The following PTPRU variants were observed in gnomAD, a reference collection of about 807,000 sequenced individuals.
The protein encoded by PTPRU is protein tyrosine phosphatase receptor type U, also known as receptor-type tyrosine-protein phosphatase U.
Under a neutral mutation model 166.3 loss-of-function variants are expected in PTPRU, and 69 were observed. That is an observed-to-expected ratio of 0.41 (90% confidence interval 0.34 to 0.51). PTPRU has a LOEUF of 0.51. Ranked by LOEUF, PTPRU falls within the 20% of genes least tolerant of loss-of-function variation. The probability of loss-of-function intolerance (pLI) is 0.09; values close to 1 mark genes in which losing one functional copy is unlikely to be tolerated. For missense variants in PTPRU, 1,657 were observed against 2,013.7 expected, an observed-to-expected ratio of 0.82 and a Z score of 3.39; for synonymous variants, 793 against 814.0, an observed-to-expected ratio of 0.97 and a Z score of 0.44.
chr1:29,299,287 G>A (rs554063571), intron 15 of PTPRU, among the ~76,000 whole-genome samples: 1 of 152,350 alleles, frequency 6.6e-6, no homozygotes, highest in East Asian at 1.9e-4. Flanking sequence ...TCACGATGGT[G>A]CTAGGAAGAG....
chr1:29,260,877 C>T lies in PTPRU; in HGVS notation c.1118C>T (p.Pro373Leu), dbSNP rs1462009974. ...GGCGGCACTGGCCGCCCTGGGCCAC[C>T]CCTCATCAGCCGCACCAAATGCGCA... is the stretch of plus-strand genomic sequence containing the variant. ...GDGGTGRPGP[P>L]LISRTKCAEP... The change falls in exon 7 of 30, where the codon CCC becomes CTC. Residue 373 changes from proline (P) to leucine (L), a missense_variant. Pro to Leu is a moderately conservative substitution (Grantham distance 98). Coordinates refer to ENST00000373779, the MANE Select transcript of PTPRU (RefSeq NM_133178.4). This position sits in a 1 kb window ranked among gnomAD's most constrained non-coding sequence, Gnocchi z 8.3. The T allele has an allele frequency of 1.9e-6, 3 of 1,586,466 alleles. No homozygotes were observed. The highest frequency in any genetic ancestry group is 2.6e-6 in the Non-Finnish European group (3 of 1,168,870).
chr1:29,309,627 A>G lies in PTPRU; in HGVS notation c.2821-1117A>G, dbSNP rs564889201. On this transcript the variant is annotated intron_variant, in intron 18 of 29. Coordinates refer to ENST00000373779, the MANE Select transcript of PTPRU (RefSeq NM_133178.4). ...TGGCAGACATTTAACATACTACTTT[A>G]TTTGCTTCTCACAACAGCCCTCAGA... Among the ~76,000 whole-genome samples, 3 of 152,336 alleles carry G rather than the reference A, an allele frequency of 2.0e-5. No homozygotes were observed. In the East Asian group the frequency reaches 5.8e-4, roughly 29 times the overall value.
Position 29,305,380 on chromosome 1 carries a change from G to T in PTPRU, c.2772G>T (p.Pro924=), listed in dbSNP as rs781326938. Residue 924 remains proline (P), a synonymous_variant, in exon 18 of 30, where the codon CCG becomes CCT. Coordinates refer to ENST00000373779, the MANE Select transcript of PTPRU (RefSeq NM_133178.4). ...AYDRHRVKLH[P]MLGDPNADYI... ...ATCGGCACCGAGTGAAACTGCACCC[G>T]ATGCTGGGAGACCCCAATGCCGACT... 6.2e-7 allele frequency: 1 copy of T among 1,613,852 alleles called. No individual in the cohort carries two copies.
At position 29,291,828 on chromosome 1, in the gene PTPRU, C is replaced by T. The variant is rs1686646069; in HGVS notation, c.2319-41C>T. On this transcript the variant is annotated intron_variant, in intron 14 of 29. Transcript: ENST00000373779. This position sits in a 1 kb window ranked among gnomAD's most constrained non-coding sequence, Gnocchi z 4.1. Reference sequence around the variant, plus strand: ...CAGCCACCTCTGGGTGCTGTCCAGCCCCACACAATGCCTGTGTCTCCCCTC... The same window carrying T: ...CAGCCACCTCTGGGTGCTGTCCAGCTCCACACAATGCCTGTGTCTCCCCTC... 2 of 1,606,110 alleles carry T rather than the reference C, an allele frequency of 1.2e-6. No individual in the cohort carries two copies. Among genetic ancestry groups the T allele is most frequent in the South Asian group, 1.1e-5 (1 of 89,792 alleles).
rs1400657012 is a variant in PTPRU, at chr1:29,269,244, A to ATTTTTT, written c.1145-6203_1145-6202insTTTTTT. On this transcript the variant is annotated intron_variant, in intron 7 of 29. Transcript: ENST00000373779. Reference sequence around the variant, plus strand: ...CATATATATATATATATATATATATATATTTTTTTTTTTTTTTTTTTTTTT... The same window carrying ATTTTTT: ...CATATATATATATATATATATATATATTTTTTTATTTTTTTTTTTTTTTTTTTTTTT... Among the ~76,000 whole-genome samples, 141 of 27,586 alleles carry ATTTTTT rather than the reference A, an allele frequency of 5.1e-3. 5 individuals carry two copies. Among genetic ancestry groups the ATTTTTT allele is most frequent in the Non-Finnish European group, 8.1e-3 (114 of 14,080 alleles). 18.1% of individuals were successfully genotyped at this position (27,586 alleles called of 152,430 possible).
intron 1 of PTPRU, among the ~76,000 whole-genome samples, chr1:29,246,229 GCT>G (rs1338838993): frequency 2.0e-5 from 3 of 152,256 alleles, no homozygotes; most frequent in African/African-American, 7.2e-5. Flanking sequence ...CACCACTGCT[GCT>G]GAAACGCTGC....
rs1428571913 is a variant in PTPRU at position 29,280,079 on chromosome 1, C to T, written c.1806C>T (p.Gly602=). The T allele has an allele frequency of 6.8e-6, 11 of 1,613,614 alleles. No individual in the cohort carries two copies. Among genetic ancestry groups the T allele is most frequent in the East Asian group, 4.5e-5 (2 of 44,890 alleles). ...ATGCCGACATGCCGTCACCCCTGGGCGAGTCTGAGAACACCATCACCGTGC... is the reference window on the plus strand; with the variant it reads ...ATGCCGACATGCCGTCACCCCTGGGTGAGTCTGAGAACACCATCACCGTGC... ...FDYADMPSPL[G]ESENTITVLL... is the part of the protein sequence containing the mutation. Residue 602 remains glycine (G), a synonymous_variant, in exon 11 of 30, where the codon GGC becomes GGT. Transcript: ENST00000373779. This position sits in a 1 kb window ranked among gnomAD's most constrained non-coding sequence, Gnocchi z 4.2.
At chr1:29,323,811 G>A in intron 28 of PTPRU, 23 bp downstream of exon 28, 1 of 1,612,666 alleles carries the variant, frequency 6.2e-7, no homozygotes, top group Non-Finnish European at 8.5e-7. Context: ...CCTGTGGGAG[G>A]GCGGGTGGAG....
chr1:29,253,743 C>T (rs201361733), intron 1 of PTPRU, among the ~76,000 whole-genome samples: 39 of 152,066 alleles, frequency 2.6e-4, no homozygotes, highest in African/African-American at 1.2e-4. Flanking sequence ...CTTCTGGTAT[C>T]GAAACCTCTT....
At position 29,315,919 on chromosome 1, in the gene PTPRU, A is replaced by G. The variant is rs1687881329; in HGVS notation, c.3364-83A>G. The G allele has an allele frequency of 6.6e-7, 1 of 1,519,944 alleles. No individual in the cohort carries two copies. The allele number at this position is 1,519,944 out of a possible 1,614,324, so 94.2% of individuals were successfully genotyped here. On this transcript the variant is annotated intron_variant, in intron 23 of 29. Transcript: ENST00000373779. This position sits in a 1 kb window ranked among gnomAD's most constrained non-coding sequence, Gnocchi z 4.5. The stretch of plus-strand genomic sequence containing the variant: ...CTCCACCTCAGGACACCCTGCTTCA[A>G]CCTTGAGCTTGCTTAAGCCCCATCA...
Position 29,271,177 on chromosome 1 carries a change from T to C in PTPRU, c.1145-4271T>C, listed in dbSNP as rs1685543473. Among the ~76,000 whole-genome samples, 1 of 152,226 alleles carries C rather than the reference T, an allele frequency of 6.6e-6. No individual in the cohort carries two copies. Among genetic ancestry groups the C allele is most frequent in the African/African-American group, 2.4e-5 (1 of 41,462 alleles). The stretch of plus-strand genomic sequence containing the variant: ...TTGTTTTAATGTGCATTTTGACCTC[T>C]GATCTCGGAGTGACCTGTAGCCCTG... On this transcript the variant is annotated intron_variant, in intron 7 of 29. Coordinates refer to ENST00000373779, the MANE Select transcript of PTPRU (RefSeq NM_133178.4). The surrounding 1 kb of genome is among the most constrained non-coding windows in gnomAD (Gnocchi z 4.4).
At chr1:29,303,681 A>G (rs1687246211) in intron 15 of PTPRU, among the ~76,000 whole-genome samples, 174 bp from the exon 16 acceptor site, 1 of 151,988 alleles carries the variant, frequency 6.6e-6, no homozygotes, top group South Asian at 2.1e-4. Flanking sequence ...GGAGGGAGGG[A>G]ATGTGTTCAG....
intron 12 of PTPRU, 46 bp downstream of exon 12, chr1:29,282,995 G>A (rs1367832985): frequency 3.8e-6 from 6 of 1,598,258 alleles, no homozygotes; most frequent in Middle Eastern, 1.7e-4. Context: ...GGGTGTGGGG[G>A]GATGGCAGAC....
intron 17 of PTPRU, among the ~76,000 whole-genome samples, chr1:29,305,116 C>A (rs1018141117): frequency 7.9e-5 from 12 of 152,196 alleles, no homozygotes; most frequent in African/African-American, 2.9e-4. Flanking sequence ...GGTCTCAGAG[C>A]CAGTAATTGC....
chr1:29,303,220 A>G (rs74067328), intron 15 of PTPRU, among the ~76,000 whole-genome samples: 3,471 of 152,230 alleles, frequency 0.023, 114 homozygotes, highest in African/African-American at 0.079. Context: ...GGAATGCTGA[A>G]CAGAACAGCC....
Position 29,311,343 on chromosome 1 carries a change from T to C in PTPRU, c.2858-113T>C, listed in dbSNP as rs1367987609. On this transcript the variant is annotated intron_variant, in intron 19 of 29. Coordinates refer to ENST00000373779, the MANE Select transcript of PTPRU (RefSeq NM_133178.4). The surrounding 1 kb of genome is among the most constrained non-coding windows in gnomAD (Gnocchi z 4.1). ...TGTTGTGGGCAGCATGAAGCCCCCG[T>C]TGGGGCTCAGGAGGCCTCCTGGCCT... The C allele has an allele frequency of 2.8e-5, 27 of 955,654 alleles. No homozygotes were observed. Among genetic ancestry groups the C allele is most frequent in the African/African-American group, 2.3e-4 (14 of 61,716 alleles). The allele number at this position is 955,654 out of a possible 1,614,324, so 59.2% of individuals were successfully genotyped here.
At chr1:29,252,754 C>T (rs1022729474) in intron 1 of PTPRU, among the ~76,000 whole-genome samples, 5 of 152,190 alleles carry the variant, frequency 3.3e-5, no homozygotes, top group African/African-American at 9.6e-5. Flanking sequence ...CTCTCTCAAA[C>T]GGTGTTTTTC....
chr1:29,260,204 C>A lies in PTPRU; in HGVS notation c.850+160C>A. 1.2e-6 allele frequency: 1 copy of A among 864,030 alleles called. No individual in the cohort carries two copies. The allele number at this position is 864,030 out of a possible 1,614,324, so 53.5% of individuals were successfully genotyped here. A position where few individuals can be genotyped will look rare whatever the true frequency, so the allele number is the denominator to read the frequency against. On this transcript the variant is annotated intron_variant, in intron 6 of 29. Coordinates refer to ENST00000373779, the MANE Select transcript of PTPRU (RefSeq NM_133178.4). This position sits in a 1 kb window ranked among gnomAD's most constrained non-coding sequence, Gnocchi z 8.3. Reference sequence around the variant, plus strand: ...ATGGGCCTGTGGAAATGGCAGTGGCCCAGCCGGGATGAGATCTGATCTAGG... The same window carrying A: ...ATGGGCCTGTGGAAATGGCAGTGGCACAGCCGGGATGAGATCTGATCTAGG...
Position 29,262,492 on chromosome 1 carries a change from C to A in PTPRU, c.1144+1589C>A, listed in dbSNP as rs116563505. On this transcript the variant is annotated intron_variant, in intron 7 of 29. Transcript: ENST00000373779. ...GATATTTTGAGAGAGAGAGACAGAC[C>A]ACATTTGTATAACTTTTATTATAGT... 3.9e-3 allele frequency among the ~76,000 whole-genome samples: 591 copies of A among 152,224 alleles called. 2 individuals carry two copies. The highest frequency in any genetic ancestry group is 0.014 in the African/African-American group (562 of 41,518).
Sources: allele counts gnomAD v4.1 joint callset (sites outside exome capture counted in the v4.1 genomes callset), GRCh38; gene constraint gnomAD v4.1.1; non-coding constraint Gnocchi (gnomAD v3.1); transcripts MANE v1.5; gene names NCBI Gene and HGNC (gene_info 2026-07-23, HGNC 2026-07-21).